The following RPH3A variants were observed in gnomAD, a reference collection of about 807,000 sequenced individuals.
RPH3A encodes the protein rabphilin-3A.
A neutral mutation model predicts 102.2 loss-of-function variants in RPH3A; 48 were observed. The observed-to-expected ratio is 0.47, with a 90% CI of 0.37 to 0.60. The LOEUF (loss-of-function observed/expected upper bound fraction) is 0.60, where lower values mean the gene tolerates loss of function less well. RPH3A is among the 20% of genes least tolerant of loss of function. The probability of loss-of-function intolerance (pLI) is 0.00; values close to 1 mark genes in which losing one functional copy is unlikely to be tolerated. For synonymous variants in RPH3A, 310 were observed against 324.3 expected (o/e 0.96, Z 0.47); for missense variants, 781 against 910.1 (o/e 0.86, Z 1.83).
chr12:112,711,783 T>C (rs1042837869), intron 1 of RPH3A, among the ~76,000 whole-genome samples: 1 of 152,192 alleles, frequency 6.6e-6, no homozygotes, highest in African/African-American at 2.4e-5. Context: ...ATGCTGCATC[T>C]GTCCACTTTT....
chr12:112,720,828 G>A (rs1313637891), intron 1 of RPH3A, among the ~76,000 whole-genome samples: 1 of 152,196 alleles, frequency 6.6e-6, no homozygotes, highest in African/African-American at 2.4e-5. Context: ...AGGTAGGGAA[G>A]TACACTTGGT....
At chr12:112,865,567 C>A (rs769986315) in intron 6 of RPH3A, 24 bp downstream of exon 6, 1 of 1,610,190 alleles carries the variant, frequency 6.2e-7, no homozygotes, top group Admixed American at 1.7e-5. Context: ...CTTCTCCCTT[C>A]TTCCCTGTGC....
At chr12:112,867,538 C>T (rs553778494) in intron 7 of RPH3A, among the ~76,000 whole-genome samples, 4 of 152,268 alleles carry the variant, frequency 2.6e-5, no homozygotes, top group South Asian at 2.1e-4. Context: ...GACAAAGGTC[C>T]GGGCAGAACT....
intron 1 of RPH3A, among the ~76,000 whole-genome samples, chr12:112,678,278 A>G (rs1225610310): frequency 2.4e-5 from 2 of 82,408 alleles, no homozygotes; most frequent in African/African-American, 1.5e-4. Context: ...AGAAAGAAAG[A>G]AAGAAAGAAA....
chr12:112,883,306 G>A lies in RPH3A; in HGVS notation c.1340G>A (p.Arg447His), dbSNP rs368853756. 8.7e-6 allele frequency: 14 copies of A among 1,613,994 alleles called. No homozygotes were observed. Among genetic ancestry groups the A allele is most frequent in the East Asian group, 4.5e-5 (2 of 44,882 alleles). Reference protein sequence around the residue: ...LPGASKSNKLRTKTLRNTRNP... With the variant: ...LPGASKSNKLHTKTLRNTRNP... ...CTCGGGCTCTAGTCCAACAAGCTTC[G>A]TACAAAAACTCTGCGGAATACCCGG... is the stretch of plus-strand genomic sequence containing the variant. Residue 447 changes from arginine (R) to histidine (H), a missense_variant, in exon 16 of 22, where the codon CGT (arginine) becomes CAT (histidine). Around this residue, in one of 2 missense-constraint regions of RPH3A, gnomAD observed 730 missense variants for 810.0 expected, o/e 0.90. Transcript: ENST00000389385.
In RPH3A at chr12:112,770,225, T is replaced by A; in HGVS notation, c.-139-21918T>A. Among the ~76,000 whole-genome samples, 2 of 152,232 alleles carry A rather than the reference T, an allele frequency of 1.3e-5. 1 individual carries two copies. ...ACCAGGTTGTAATGAACATCTTTGT[T>A]CCAGCCTCCCCTCAGGCAGACACTG... On this transcript the variant is annotated intron_variant, in intron 1 of 21. Coordinates refer to the RPH3A transcript ENST00000543106.
intron 1 of RPH3A, among the ~76,000 whole-genome samples, chr12:112,689,543 G>A (rs1215200439): frequency 6.6e-6 from 1 of 152,178 alleles, no homozygotes; most frequent in Non-Finnish European, 1.5e-5. Context: ...GCTTTTCATA[G>A]GGACATTTGA....
chr12:112,873,658 G>T (rs148442412), intron 10 of RPH3A, among the ~76,000 whole-genome samples: 1 of 152,144 alleles, frequency 6.6e-6, no homozygotes. Flanking sequence ...TCCTACCTTC[G>T]GGGCTTCCTG....
At chr12:112,575,767 C>T (rs1296932067) in intron 1 of RPH3A, among the ~76,000 whole-genome samples, 1 of 152,110 alleles carries the variant, frequency 6.6e-6, no homozygotes, top group Non-Finnish European at 1.5e-5. Flanking sequence ...GATAGGAAGA[C>T]GGGAAACTCA....
chr12:112,879,906 C>A (rs2042877766), intron 14 of RPH3A, among the ~76,000 whole-genome samples: 1 of 152,182 alleles, frequency 6.6e-6, no homozygotes, highest in South Asian at 2.1e-4. Context: ...GTGACTTAAA[C>A]CCTCTGTGTC....
At chr12:112,610,631 T>A (rs1181912668) in intron 1 of RPH3A, among the ~76,000 whole-genome samples, 1 of 151,986 alleles carries the variant, frequency 6.6e-6, no homozygotes, top group African/African-American at 2.4e-5. Flanking sequence ...ATTATTATTT[T>A]ATTTATTTAT....
intron 2 of RPH3A, among the ~76,000 whole-genome samples, chr12:112,800,590 G>C (rs760562631): frequency 2.9e-4 from 44 of 152,172 alleles, no homozygotes; most frequent in Non-Finnish European, 4.6e-4. Flanking sequence ...TGCAGGAGGT[G>C]GGATGGAAGC....
intron 2 of RPH3A, among the ~76,000 whole-genome samples, chr12:112,797,898 A>G (rs2041265219): frequency 6.6e-6 from 1 of 152,136 alleles, no homozygotes; most frequent in Non-Finnish European, 1.5e-5. Flanking sequence ...TATGTTGCTC[A>G]GGCTGGTCTC....
intron 1 of RPH3A, among the ~76,000 whole-genome samples, chr12:112,741,649 G>A (rs2040710321): frequency 6.6e-6 from 1 of 152,176 alleles, no homozygotes; most frequent in Admixed American, 6.5e-5. Flanking sequence ...GTGAGATAAA[G>A]TAGCAAATGT....
Position 112,760,647 on chromosome 12 carries a change from G to A in RPH3A, c.-139-31496G>A, listed in dbSNP as rs575417870. On this transcript the variant is annotated intron_variant, in intron 1 of 21. Coordinates refer to the RPH3A transcript ENST00000543106. ...CTGAGGCTCTGGGCAAGTATAAATG[G>A]CTCCTGAGAGGACATGTTTACTCAG... Among the ~76,000 whole-genome samples the A allele has an allele frequency of 3.3e-5, 5 of 152,328 alleles. No homozygotes were observed. The South Asian group carries it at 8.3e-4, about 25-fold the overall frequency.
chr12:112,614,551 G>A (rs1037705399), intron 1 of RPH3A, among the ~76,000 whole-genome samples: 3 of 150,798 alleles, frequency 2.0e-5, no homozygotes, highest in Admixed American at 6.6e-5. Flanking sequence ...ATACGGGCAT[G>A]GTGATGCACA....
intron 1 of RPH3A, among the ~76,000 whole-genome samples, chr12:112,710,170 G>T (rs1321630053): frequency 6.6e-6 from 1 of 152,118 alleles, no homozygotes; most frequent in East Asian, 1.9e-4. Flanking sequence ...TAGAGACGGG[G>T]TTTCACCCTG....
In RPH3A at chr12:112,782,221, G is replaced by A. The variant is rs138365888; in HGVS notation, c.-139-9922G>A. Among the ~76,000 whole-genome samples the A allele has an allele frequency of 1.4e-3, 216 of 152,390 alleles. 1 individual carries two copies. Among genetic ancestry groups the A allele is most frequent in the African/African-American group, 5.0e-3 (209 of 41,596 alleles). ...ACAAATGTGAGCTAAGCCCCTGCTTGATTACCTGCTAATGCATGAGGCTCA... is the reference window on the plus strand; with the variant it reads ...ACAAATGTGAGCTAAGCCCCTGCTTAATTACCTGCTAATGCATGAGGCTCA... On this transcript the variant is annotated intron_variant, in intron 1 of 21. Coordinates refer to the RPH3A transcript ENST00000543106.
chr12:112,852,518 T>C (rs533799495), intron 5 of RPH3A, among the ~76,000 whole-genome samples: 1 of 152,302 alleles, frequency 6.6e-6, no homozygotes, highest in Admixed American at 6.5e-5. Flanking sequence ...ATCCCATATA[T>C]TAGAAAATAT....
Sources: allele counts gnomAD v4.1 joint callset (sites outside exome capture counted in the v4.1 genomes callset), GRCh38; gene constraint gnomAD v4.1.1; regional missense constraint gnomAD v4.1.1; transcripts MANE v1.5; gene names NCBI Gene and HGNC (gene_info 2026-07-23, HGNC 2026-07-21).